The following TTC39A variants were observed in gnomAD, a reference collection of about 807,000 sequenced individuals.
The protein encoded by TTC39A is tetratricopeptide repeat protein 39A.
Under a neutral mutation model 82.3 loss-of-function variants are expected in TTC39A, and 46 were observed. The ratio of observed to expected loss-of-function variants is 0.56; its 90% CI spans 0.44 to 0.71. TTC39A has a LOEUF of 0.71. Among genes scored for constraint, TTC39A ranks in the 30% least tolerant of loss-of-function variants. The pLI, the probability that TTC39A is intolerant of heterozygous loss-of-function variation, is 0.00. For synonymous variants in TTC39A, 254 were observed against 275.2 expected, an observed-to-expected ratio of 0.92 and a Z score of 0.76; for missense variants, 543 against 712.9, an observed-to-expected ratio of 0.76 and a Z score of 2.71.
In TTC39A at chr1:51,288,890, A is replaced by T; in HGVS notation, c.1559T>A (p.Leu520His). ...CTCTTCGTTTCTGTCTTGCTCCATA[A>T]GCAGCAGGGCCAGCTCCAGCAGGGC... is the stretch of plus-strand genomic sequence containing the variant. ...PNALLELALL[L>H]MEQDRNEEAI... The change falls in exon 17 of 18, where the codon CTT (leucine) becomes CAT (histidine). Residue 520 changes from leucine (L) to histidine (H), a missense_variant. Transcript: ENST00000680483. This position sits in a 1 kb window ranked among gnomAD's most constrained non-coding sequence, Gnocchi z 4.8. 1.2e-6 allele frequency: 2 copies of T among 1,612,652 alleles called. No homozygotes were observed. Among genetic ancestry groups the T allele is most frequent in the Non-Finnish European group, 1.7e-6 (2 of 1,179,416 alleles).
chr1:51,339,868 A>G (rs141197148), intron 1 of TTC39A, among the ~76,000 whole-genome samples: 1 of 152,352 alleles, frequency 6.6e-6, no homozygotes, highest in Non-Finnish European at 1.5e-5. Flanking sequence ...TGATTGCTAT[A>G]GAGTGACAGT....
At chr1:51,338,848 C>T (rs1057025288) in intron 1 of TTC39A, among the ~76,000 whole-genome samples, 18 of 152,068 alleles carry the variant, frequency 1.2e-4, no homozygotes, top group African/African-American at 4.3e-4. Context: ...AGTGATCCAC[C>T]CGCCTTGGCC....
At chr1:51,291,628 CAAAAAAAAAAAA>C (rs58825279) in intron 14 of TTC39A, among the ~76,000 whole-genome samples, 5 of 49,952 alleles carry the variant, frequency 1.0e-4, no homozygotes, top group East Asian at 6.0e-4. Flanking sequence ...CCATCTCCAC[CAAAAAAAAAAAA>C]AAAAAAAAAA....
rs371957574 is a variant in TTC39A, at chr1:51,312,946, G to A, written c.147-3C>T. Reference sequence around the variant, plus strand: ...AGTGGTACATGCTTTCCTTGGTTCTGCCAAAGAGAAGAGACGTTGAGAGCA... The same window carrying A: ...AGTGGTACATGCTTTCCTTGGTTCTACCAAAGAGAAGAGACGTTGAGAGCA... On this transcript the variant is annotated splice_polypyrimidine_tract_variant and splice_region_variant and intron_variant, in intron 2 of 17. Transcript: ENST00000680483. The A allele has an allele frequency of 3.4e-5, 55 of 1,612,824 alleles. No homozygotes were observed. Among genetic ancestry groups the A allele is most frequent in the Middle Eastern group, 1.6e-4 (1 of 6,076 alleles).
Position 51,288,735 on chromosome 1 carries a change from G to A in TTC39A, c.1610+104C>T. ...CCCTCTAGACTGCCAGACTGGCCTT[G>A]CTAGCAACTCCACTCACTGCTCTCT... On this transcript the variant is annotated intron_variant, in intron 17 of 17. Transcript: ENST00000680483. The surrounding 1 kb of genome is among the most constrained non-coding windows in gnomAD (Gnocchi z 4.8). The A allele has an allele frequency of 9.3e-7, 1 of 1,076,838 alleles. No homozygotes were observed. The highest frequency in any genetic ancestry group is 1.4e-6 in the Non-Finnish European group (1 of 731,574). The allele number at this position is 1,076,838 out of a possible 1,614,324, so 66.7% of individuals were successfully genotyped here. A position where few individuals can be genotyped will look rare whatever the true frequency, so the allele number is the denominator to read the frequency against.
chr1:51,310,233 T>C (rs1645034714), intron 5 of TTC39A, among the ~76,000 whole-genome samples: 1 of 152,070 alleles, frequency 6.6e-6, no homozygotes, highest in Non-Finnish European at 1.5e-5. Context: ...CAAGACTCCG[T>C]CTCAACAACA....
intron 12 of TTC39A, chr1:51,299,098 T>C (rs571462167): frequency 6.6e-6 from 1 of 152,202 alleles, no homozygotes; most frequent in South Asian, 2.1e-4. Context: ...TCTCTCAGAG[T>C]AGATAACAAG....
chr1:51,337,087 G>C (rs1233874017), intron 1 of TTC39A, among the ~76,000 whole-genome samples: 3 of 152,120 alleles, frequency 2.0e-5, no homozygotes, highest in Non-Finnish European at 4.4e-5. Flanking sequence ...TTGACACTTA[G>C]GCCAGATCAC....
chr1:51,344,956 G>T, intron 1 of TTC39A: 1 of 1,525,078 alleles, frequency 6.6e-7, no homozygotes. Flanking sequence ...GGTCCCGTCC[G>T]CGCCTTCCGC....
intron 2 of TTC39A, among the ~76,000 whole-genome samples, chr1:51,318,389 T>A (rs574391884): frequency 1.5e-3 from 230 of 152,222 alleles, no homozygotes; most frequent in African/African-American, 5.3e-3. Flanking sequence ...CAGGCCATGG[T>A]CATGCTCTTG....
chr1:51,314,325 C>T (rs1431310944), intron 2 of TTC39A, among the ~76,000 whole-genome samples: 2 of 152,232 alleles, frequency 1.3e-5, no homozygotes, highest in African/African-American at 2.4e-5. Context: ...CCAGCCTGCC[C>T]GGGTCCCTGC....
chr1:51,330,693 C>T (rs1023737194), upstream of TTC39A: 10 of 918,820 alleles, frequency 1.1e-5, no homozygotes, highest in South Asian at 4.3e-4. The surrounding 1 kb of genome is among the most constrained non-coding windows in gnomAD (Gnocchi z 4.5). Flanking sequence ...GCTCCCGCAC[C>T]GCCGGGGGTT....
At chr1:51,344,532 T>C (rs373000295) in intron 1 of TTC39A, among the ~76,000 whole-genome samples, 16 of 152,152 alleles carry the variant, frequency 1.1e-4, no homozygotes, top group African/African-American at 3.6e-4. Flanking sequence ...CCCCACCTGC[T>C]CCTCGGATGT....
upstream of TTC39A, among the ~76,000 whole-genome samples, chr1:51,335,844 T>C (rs138794316): frequency 8.8e-4 from 134 of 152,260 alleles, 1 homozygote; most frequent in East Asian, 0.013. Context: ...GAGCTTAAGC[T>C]GTGAAGTCAG....
chr1:51,323,132 G>C (rs1333517081), intron 1 of TTC39A, among the ~76,000 whole-genome samples: 1 of 149,898 alleles, frequency 6.7e-6, no homozygotes, highest in African/African-American at 2.5e-5. Context: ...CACCATGCTT[G>C]TCCACTCCTC....
At chr1:51,330,783 T>C, upstream of TTC39A, 1 of 377,202 alleles carries the variant, frequency 2.7e-6, no homozygotes, top group Non-Finnish European at 4.4e-6. This position sits in a 1 kb window ranked among gnomAD's most constrained non-coding sequence, Gnocchi z 4.5. Flanking sequence ...GGGAGCTCGC[T>C]CCCTCCTCAC....
rs11810053 is a variant in TTC39A at position 51,336,929 on chromosome 1, G to A, written c.53+8062C>T. On this transcript the variant is annotated intron_variant, in intron 1 of 5. Transcript: ENST00000401051. ...TCCCAGCACTTTGAGAGGCCAAGGC[G>A]GGAGAATTGCTTGAGGCCAGAAGTT... is the stretch of plus-strand genomic sequence containing the variant. Among the ~76,000 whole-genome samples the A allele has an allele frequency of 5.7e-3, 875 of 152,256 alleles. 9 individuals are homozygous for A. Among genetic ancestry groups the A allele is most frequent in the African/African-American group, 0.019 (792 of 41,528 alleles).
At chr1:51,333,104 C>T (rs1300118734), upstream of TTC39A, among the ~76,000 whole-genome samples, 7 of 150,916 alleles carry the variant, frequency 4.6e-5, no homozygotes, top group Non-Finnish European at 8.8e-5. Flanking sequence ...CTCAGCTACT[C>T]GGGAGGCTGA....
intron 1 of TTC39A, among the ~76,000 whole-genome samples, chr1:51,326,176 T>C (rs1645707022): frequency 1.3e-5 from 2 of 152,102 alleles, no homozygotes; most frequent in African/African-American, 2.4e-5. Context: ...AGGGCTGTGA[T>C]CATGGGAATC....
Sources: allele counts gnomAD v4.1 joint callset (sites outside exome capture counted in the v4.1 genomes callset), GRCh38; gene constraint gnomAD v4.1.1; non-coding constraint Gnocchi (gnomAD v3.1); transcripts MANE v1.5; gene names NCBI Gene and HGNC (gene_info 2026-07-23, HGNC 2026-07-21).